VDAC1: variants seen among roughly 807,000 people sequenced by gnomAD.
VDAC1 encodes voltage dependent anion channel 1, also known as non-selective voltage-gated ion channel VDAC1.
In VDAC1, 10 loss-of-function variants were observed where a neutral mutation model predicts 34.7. The observed-to-expected ratio is 0.29, with a 90% CI of 0.18 to 0.49. The LOEUF is 0.49. Among genes scored for constraint, VDAC1 ranks in the 20% least tolerant of loss-of-function variants. VDAC1 has a pLI of 0.99. For synonymous variants in VDAC1, 130 were observed against 136.0 expected (o/e 0.96, Z 0.30); for missense variants, 230 against 347.9 (o/e 0.66, Z 2.69).
the VDAC1 span, among the ~76,000 whole-genome samples, chr5:134,100,606 T>C: frequency 7.2e-5 from 11 of 152,296 alleles, no homozygotes; most frequent in Middle Eastern, 0.02. Context: ...AACAAGGTAC[T>C]TTCACATGTG....
the VDAC1 span, among the ~76,000 whole-genome samples, chr5:134,039,050 G>T: frequency 2.6e-5 from 4 of 152,190 alleles, no homozygotes; most frequent in East Asian, 7.7e-4. Flanking sequence ...TTCATTACTC[G>T]CTGACCTCCA....
chr5:133,983,548 T>C (rs974338228), intron 5 of VDAC1, among the ~76,000 whole-genome samples: 28 of 151,932 alleles, frequency 1.8e-4, no homozygotes, highest in African/African-American at 6.5e-4. Flanking sequence ...AGATTTCTCA[T>C]TAAAAAAAAA....
the VDAC1 span, among the ~76,000 whole-genome samples, chr5:134,106,934 A>ATCCCTCCC: frequency 6.6e-6 from 1 of 152,080 alleles, no homozygotes; most frequent in Admixed American, 6.5e-5. Flanking sequence ...CTTAAGAATA[A>ATCCCTCCC]TCCCTCCCTC....
At chr5:134,087,997 A>C in the VDAC1 span, among the ~76,000 whole-genome samples, 6 of 148,368 alleles carry the variant, frequency 4.0e-5, no homozygotes, top group African/African-American at 1.5e-4. Context: ...CTAAAAATAC[A>C]AAAAAAAATT....
the VDAC1 span, among the ~76,000 whole-genome samples, chr5:134,080,563 T>C: frequency 6.6e-6 from 1 of 151,410 alleles, no homozygotes; most frequent in Non-Finnish European, 1.5e-5. Flanking sequence ...CGAGGTACCA[T>C]ACCGTGAGCA....
the VDAC1 span, among the ~76,000 whole-genome samples, chr5:134,065,337 A>ATTTTT: frequency 2.1e-4 from 21 of 101,336 alleles, no homozygotes; most frequent in Non-Finnish European, 2.8e-4. Context: ...TTTAATTTTA[A>ATTTTT]TTTTTTTTTT....
chr5:134,035,100 T>C, the VDAC1 span, among the ~76,000 whole-genome samples: 4 of 152,018 alleles, frequency 2.6e-5, no homozygotes, highest in East Asian at 7.7e-4. Flanking sequence ...AGCACTGTGC[T>C]GCAATAGCAA....
the VDAC1 span, among the ~76,000 whole-genome samples, chr5:134,022,258 GA>G: frequency 0.4 from 61,140 of 152,012 alleles, 12,515 homozygotes; most frequent in Admixed American, 0.47. Flanking sequence ...CTGGGTTGTT[GA>G]AAAAAATCAA....
chr5:134,043,852 T>G, the VDAC1 span, among the ~76,000 whole-genome samples: 1 of 152,124 alleles, frequency 6.6e-6, no homozygotes, highest in Non-Finnish European at 1.5e-5. Flanking sequence ...TTTTATCCAG[T>G]GCCTGCATTT....
At chr5:134,041,785 G>T in the VDAC1 span, among the ~76,000 whole-genome samples, 2 of 152,146 alleles carry the variant, frequency 1.3e-5, no homozygotes, top group Non-Finnish European at 2.9e-5. Flanking sequence ...CCCTGTTGGT[G>T]AGTGGCTCCC....
At chr5:134,033,539 A>G in the VDAC1 span, among the ~76,000 whole-genome samples, 4 of 151,958 alleles carry the variant, frequency 2.6e-5, no homozygotes, top group East Asian at 7.7e-4. Flanking sequence ...AGGAAATGTG[A>G]ATGGATAGAA....
chr5:134,081,474 C>T, the VDAC1 span, among the ~76,000 whole-genome samples: 3 of 152,194 alleles, frequency 2.0e-5, no homozygotes, highest in African/African-American at 4.8e-5. Flanking sequence ...CTACTGTGTC[C>T]AGCCAAAACA....
At chr5:133,992,445 T>G in intron 2 of VDAC1, 90 bp from the exon 3 acceptor site, 3 of 1,008,880 alleles carry the variant, frequency 3.0e-6, no homozygotes, top group Non-Finnish European at 4.2e-6. Context: ...GATGCTTTTT[T>G]AAAAAGAAGC....
the VDAC1 span, among the ~76,000 whole-genome samples, chr5:134,055,573 C>G: frequency 7.5e-6 from 1 of 134,014 alleles, no homozygotes; most frequent in Non-Finnish European, 1.6e-5. Context: ...GCGCCCGCCA[C>G]CACGCCCCGC....
the VDAC1 span, among the ~76,000 whole-genome samples, chr5:134,080,170 T>G: frequency 6.6e-6 from 1 of 152,256 alleles, no homozygotes; most frequent in African/African-American, 2.4e-5. Context: ...TGTGGTCATT[T>G]GCCCTCGATA....
the VDAC1 span, among the ~76,000 whole-genome samples, chr5:134,044,598 T>C: frequency 1.3e-5 from 2 of 150,390 alleles, no homozygotes; most frequent in East Asian, 3.9e-4. Context: ...CACATACCCA[T>C]TGGTGCACGT....
the VDAC1 span, among the ~76,000 whole-genome samples, chr5:134,108,098 A>G: frequency 6.6e-6 from 1 of 152,348 alleles, no homozygotes; most frequent in East Asian, 1.9e-4. Flanking sequence ...AGGAGAAAGT[A>G]TCTCTGCAGA....
At chr5:134,076,007 G>T in the VDAC1 span, among the ~76,000 whole-genome samples, 1 of 151,744 alleles carries the variant, frequency 6.6e-6, no homozygotes, top group South Asian at 2.1e-4. Context: ...TTGAGATGGA[G>T]TCTCCCTCTG....
the VDAC1 span, among the ~76,000 whole-genome samples, chr5:134,031,199 C>T: frequency 6.6e-6 from 1 of 151,980 alleles, no homozygotes; most frequent in Admixed American, 6.6e-5. Context: ...GGATTTTAGA[C>T]AGTAAGGAAC....
Sources: gnomAD v4.1 joint callset for allele counts (sites outside exome capture counted in the v4.1 genomes callset) on GRCh38, gnomAD v4.1.1 for gene constraint, MANE v1.5 for transcripts, NCBI Gene and HGNC (gene_info 2026-07-23, HGNC 2026-07-21) for gene names.